Variants in TMEM269 observed in about 807,000 individuals in gnomAD.
The protein encoded by TMEM269 is transmembrane protein 269.
A neutral mutation model predicts 15.8 loss-of-function variants in TMEM269; 12 were observed. The ratio of observed to expected loss-of-function variants is 0.76; its 90% CI spans 0.49 to 1.23. TMEM269 has a LOEUF of 1.23. Ranked by LOEUF, TMEM269 falls within the 50% of genes most tolerant of loss-of-function variation. The pLI is 0.00. For synonymous variants in TMEM269, 93 were observed against 99.3 expected, an observed-to-expected ratio of 0.94 and a Z score of 0.38; for missense variants, 211 against 245.4, an observed-to-expected ratio of 0.86 and a Z score of 0.94.
chr1:42,792,397 G>A (rs1371488116), intron 2 of TMEM269, among the ~76,000 whole-genome samples: 1 of 152,124 alleles, frequency 6.6e-6, no homozygotes, highest in Non-Finnish European at 1.5e-5. Flanking sequence ...TTTACAGATG[G>A]GGGAACAGGC....
chr1:42,794,311 T>C (rs1198560308), intron 4 of TMEM269, 102 bp from the exon 5 acceptor site: 1 of 807,516 alleles, frequency 1.2e-6, no homozygotes, highest in Non-Finnish European at 2.0e-6. Context: ...AAGGGAATAT[T>C]GTATCCTGGG....
chr1:42,792,732 G>A (rs1653719712), intron 2 of TMEM269, 73 bp from the exon 3 acceptor site: 4 of 851,214 alleles, frequency 4.7e-6, no homozygotes, highest in South Asian at 2.9e-5. Flanking sequence ...TATACTAATG[G>A]GGGGCAGGGG....
In TMEM269 at chr1:42,797,650, C is replaced by T. The variant is rs1335415959; in HGVS notation, c.485-448C>T. On this transcript the variant is annotated intron_variant, in intron 5 of 5. Transcript: ENST00000637012. The surrounding 1 kb of genome is among the most constrained non-coding windows in gnomAD (Gnocchi z 4.9). ...TTTCCAGCCATCAGCCAAGGGCCAG[C>T]CTTGCAAGAAGGCCTTTCTGAGGAT... Among the ~76,000 whole-genome samples the T allele has an allele frequency of 1.3e-5, 2 of 152,242 alleles. No homozygotes were observed. The highest frequency in any genetic ancestry group is 4.8e-5 in the African/African-American group (2 of 41,442).
intron 5 of TMEM269, 138 bp downstream of exon 5, chr1:42,794,751 A>C (rs1653763883): frequency 1.5e-6 from 1 of 676,440 alleles, no homozygotes. Context: ...CATATTTACT[A>C]GTTTTCTTAT....
At chr1:42,796,028 C>G (rs1313220920) in intron 5 of TMEM269, among the ~76,000 whole-genome samples, 1 of 152,204 alleles carries the variant, frequency 6.6e-6, no homozygotes, top group African/African-American at 2.4e-5. Flanking sequence ...AACTCTAGCA[C>G]ATATTAGTTG....
chr1:42,788,956 C>A lies in TMEM269; in HGVS notation c.-98-840C>A, dbSNP rs138979236. Among the ~76,000 whole-genome samples the A allele has an allele frequency of 6.7e-6, 1 of 149,144 alleles. No homozygotes were observed. Among genetic ancestry groups the A allele is most frequent in the Non-Finnish European group, 1.5e-5 (1 of 67,696 alleles). The stretch of plus-strand genomic sequence containing the variant: ...TTTTTTTTTTAGACAGAGTCTCACT[C>A]GGTCACCCAGGCTGGAGTGCAGTGG... On this transcript the variant is annotated intron_variant, in intron 1 of 5. Transcript: ENST00000637012. The surrounding 1 kb of genome is among the most constrained non-coding windows in gnomAD (Gnocchi z 4.0).
chr1:42,800,456 T>A lies in TMEM269; in HGVS notation c.*2231T>A, dbSNP rs949155341. The A allele has an allele frequency of 1.3e-5, 2 of 152,210 alleles. No homozygotes were observed. The highest frequency in any genetic ancestry group is 2.9e-5 in the Non-Finnish European group (2 of 68,042). 9.4% of individuals were successfully genotyped at this position (152,210 alleles called of 1,614,324 possible). On this transcript the variant is annotated 3_prime_UTR_variant, in exon 6 of 6. Coordinates refer to ENST00000637012, the MANE Select transcript of TMEM269 (RefSeq NM_001354602.2). ...GCCAAGACTTTAAAATCTGCACTTC[T>A]CAAATGCATACATGAAGCCAGTGGG...
intron 1 of TMEM269, 188 bp from the exon 2 acceptor site, chr1:42,789,608 C>A: frequency 1.9e-6 from 2 of 1,073,690 alleles, no homozygotes; most frequent in Non-Finnish European, 1.4e-6. Context: ...GACGCTGGAT[C>A]CTCAGCACCT....
Position 42,794,624 on chromosome 1 carries a change from A to G in TMEM269, c.484+11A>G. On this transcript the variant is annotated intron_variant, in intron 5 of 5. Coordinates refer to ENST00000637012, the MANE Select transcript of TMEM269 (RefSeq NM_001354602.2). The stretch of plus-strand genomic sequence containing the variant: ...TGGTTTATATAGGAGGTGAGTGAAA[A>G]TGTCACTATGGCCAGTTTGTTATCA... The G allele has an allele frequency of 6.5e-7, 1 of 1,536,836 alleles. No homozygotes were observed. The highest frequency in any genetic ancestry group is 8.8e-7 in the Non-Finnish European group (1 of 1,134,394).
chr1:42,789,305 C>T, intron 1 of TMEM269: 1 of 744,334 alleles, frequency 1.3e-6, no homozygotes, highest in Non-Finnish European at 2.2e-6. Context: ...GAACCAGGAC[C>T]TTGAGGCACC....
At chr1:42,789,501 G>A (rs1291445973) in intron 1 of TMEM269, 4 of 1,535,176 alleles carry the variant, frequency 2.6e-6, no homozygotes, top group Non-Finnish European at 2.6e-6. Flanking sequence ...CATATGGACT[G>A]GAGGGATGTC....
In TMEM269 at chr1:42,799,411, A is replaced by G. The variant is rs1452544330; in HGVS notation, c.*1186A>G. On this transcript the variant is annotated 3_prime_UTR_variant, in exon 6 of 6. Transcript: ENST00000637012. ...CTGGATATAACTTTTTTAAGTTTCC[A>G]GAACAATGTATGTGGTAAATATACA... 1.3e-5 allele frequency: 2 copies of G among 152,214 alleles called. No homozygotes were observed. The highest frequency in any genetic ancestry group is 4.8e-5 in the African/African-American group (2 of 41,454). The allele number at this position is 152,214 out of a possible 1,614,324, so 9.4% of individuals were successfully genotyped here.
chr1:42,797,446 A>C lies in TMEM269; in HGVS notation c.485-652A>C, dbSNP rs1331204598. Among the ~76,000 whole-genome samples the C allele has an allele frequency of 6.6e-6, 1 of 152,160 alleles. No individual in the cohort carries two copies. The highest frequency in any genetic ancestry group is 1.5e-5 in the Non-Finnish European group (1 of 68,022). On this transcript the variant is annotated intron_variant, in intron 5 of 5. Coordinates refer to ENST00000637012, the MANE Select transcript of TMEM269 (RefSeq NM_001354602.2). The surrounding 1 kb of genome is among the most constrained non-coding windows in gnomAD (Gnocchi z 4.9). ...AAACTGATGAGAGACTCAGTGCCCA[A>C]GTTTTACTGGGGGATGGTCATGTCA...
chr1:42,800,552 C>T lies in TMEM269; in HGVS notation c.*2327C>T, dbSNP rs1432133702. Reference sequence around the variant, plus strand: ...TTCCCTCCTGGTCAACTTCTAGTCCCTTCTTCCTAACCTGAAGTCCTACTT... The same window carrying T: ...TTCCCTCCTGGTCAACTTCTAGTCCTTTCTTCCTAACCTGAAGTCCTACTT... On this transcript the variant is annotated 3_prime_UTR_variant, in exon 6 of 6. Transcript: ENST00000637012. 1 of 150,730 alleles carries T rather than the reference C, an allele frequency of 6.6e-6. No homozygotes were observed. The highest frequency in any genetic ancestry group is 2.4e-5 in the African/African-American group (1 of 40,918). 9.3% of individuals were successfully genotyped at this position (150,730 alleles called of 1,614,324 possible).
In TMEM269 at chr1:42,797,317, C is replaced by T. The variant is rs1441140348; in HGVS notation, c.485-781C>T. Among the ~76,000 whole-genome samples, 6 of 152,096 alleles carry T rather than the reference C, an allele frequency of 3.9e-5. No individual in the cohort carries two copies. The East Asian group carries it at 1.2e-3, about 29-fold the overall frequency. ...GCATGGGAAAAAGTTCAGGGGAAAC[C>T]AGGTGCAAGCTTCAGAGAGTCCTCT... On this transcript the variant is annotated intron_variant, in intron 5 of 5. Coordinates refer to ENST00000637012, the MANE Select transcript of TMEM269 (RefSeq NM_001354602.2). This position sits in a 1 kb window ranked among gnomAD's most constrained non-coding sequence, Gnocchi z 4.9.
chr1:42,790,789 G>A (rs1653671482), intron 2 of TMEM269, among the ~76,000 whole-genome samples: 1 of 152,000 alleles, frequency 6.6e-6, no homozygotes. Flanking sequence ...TGCCATGATG[G>A]TGCCCTGAGT....
Position 42,788,668 on chromosome 1 carries a change from C to G in TMEM269, c.-98-1128C>G, listed in dbSNP as rs1217012853. 6.6e-6 allele frequency among the ~76,000 whole-genome samples: 1 copy of G among 152,180 alleles called. No individual in the cohort carries two copies. The highest frequency in any genetic ancestry group is 1.5e-5 in the Non-Finnish European group (1 of 68,036). On this transcript the variant is annotated intron_variant, in intron 1 of 5. Transcript: ENST00000637012. This position sits in a 1 kb window ranked among gnomAD's most constrained non-coding sequence, Gnocchi z 4.0. ...CCATTGAGCTCGTTCACTGCCATAT[C>G]CCACACACCTCCTCCTGCTGAAATC...
chr1:42,795,328 G>A (rs909083929), intron 5 of TMEM269, among the ~76,000 whole-genome samples: 1 of 152,192 alleles, frequency 6.6e-6, no homozygotes, highest in Admixed American at 6.5e-5. Flanking sequence ...GAGGCCATGA[G>A]GTGAGCAGAC....
At position 42,789,866 on chromosome 1, in the gene TMEM269, T is replaced by C. The variant is rs527301602; in HGVS notation, c.-28T>C. On this transcript the variant is annotated 5_prime_UTR_variant, in exon 2 of 6. The change abolishes an upstream ATG in the 5' untranslated region. Transcript: ENST00000637012. ...AGATAAATGAGGTTTCCTGGAAGGA[T>C]GTTACCAGTGCCTTATCTCTGGCCA... The C allele has an allele frequency of 1.7e-5, 27 of 1,550,908 alleles. No homozygotes were observed. The African/African-American group carries it at 3.0e-4, about 17-fold the overall frequency.
Sources: allele counts gnomAD v4.1 joint callset (sites outside exome capture counted in the v4.1 genomes callset), GRCh38; gene constraint gnomAD v4.1.1; non-coding constraint Gnocchi (gnomAD v3.1); transcripts MANE v1.5; gene names NCBI Gene and HGNC (gene_info 2026-07-23, HGNC 2026-07-21).